The following PPP1R42 variants were observed in gnomAD, a reference collection of about 807,000 sequenced individuals.
PPP1R42 encodes the protein leucine rich repeat containing 67.
PPP1R42 carries 34 observed loss-of-function variants against 31.0 expected under a neutral mutation model. That is an observed-to-expected ratio of 1.10 (90% CI 0.83 to 1.46). The LOEUF (loss-of-function observed/expected upper bound fraction) is 1.46, where lower values mean the gene tolerates loss of function less well. Ranked by LOEUF, PPP1R42 falls within the 40% of genes most tolerant of loss-of-function variation. The probability of loss-of-function intolerance (pLI) is 0.00; values close to 1 mark genes in which losing one functional copy is unlikely to be tolerated. For missense variants in PPP1R42, 268 were observed against 303.0 expected (o/e 0.88, Z 0.86); for synonymous variants, 103 against 109.8 (o/e 0.94, Z 0.39).
intron 5 of PPP1R42, among the ~76,000 whole-genome samples, chr8:66,998,338 A>C (rs1423074915): frequency 1.3e-5 from 2 of 152,158 alleles, no homozygotes; most frequent in African/African-American, 2.4e-5. Flanking sequence ...AAAAAAATTC[A>C]TTTCTAGTTG....
chr8:67,016,689 C>T (rs2129537017), intron 2 of PPP1R42, among the ~76,000 whole-genome samples: 1 of 152,090 alleles, frequency 6.6e-6, no homozygotes, highest in East Asian at 1.9e-4. Context: ...ATAGGTTCTT[C>T]TTTTTTGAGA....
chr8:66,975,291 A>G (rs1433554265), intron 7 of PPP1R42, among the ~76,000 whole-genome samples: 1 of 152,132 alleles, frequency 6.6e-6, no homozygotes, highest in Non-Finnish European at 1.5e-5. Flanking sequence ...GTTATTGTAA[A>G]TGGGATTATT....
chr8:66,986,280 G>C, intron 6 of PPP1R42: 1 of 507,746 alleles, frequency 2.0e-6, no homozygotes, highest in Admixed American at 2.4e-5. Flanking sequence ...TTAAGGAAGA[G>C]TGGCTAATTG....
chr8:67,019,140 C>A (rs1816123502), intron 1 of PPP1R42, among the ~76,000 whole-genome samples: 1 of 148,422 alleles, frequency 6.7e-6, no homozygotes, highest in Admixed American at 6.8e-5. Flanking sequence ...CCGAGCCATG[C>A]ACTGCAATCT....
chr8:67,027,726 T>G (rs1237647545), intron 1 of PPP1R42, among the ~76,000 whole-genome samples: 1 of 152,242 alleles, frequency 6.6e-6, no homozygotes, highest in Non-Finnish European at 1.5e-5. Flanking sequence ...AAAAATAATG[T>G]CCGCACTTGT....
chr8:66,973,771 A>G (rs905460593), intron 7 of PPP1R42, among the ~76,000 whole-genome samples: 3 of 152,196 alleles, frequency 2.0e-5, no homozygotes, highest in African/African-American at 7.2e-5. Flanking sequence ...TGCTGGAAAT[A>G]GCACTCCACT....
chr8:66,995,563 A>G (rs1585658319), intron 5 of PPP1R42, among the ~76,000 whole-genome samples: 1 of 152,188 alleles, frequency 6.6e-6, no homozygotes, highest in Admixed American at 6.5e-5. Context: ...GGTGCCTGCT[A>G]TGTGCCAAGC....
At chr8:67,022,717 T>A (rs1816259988) in intron 1 of PPP1R42, among the ~76,000 whole-genome samples, 1 of 152,118 alleles carries the variant, frequency 6.6e-6, no homozygotes, top group Non-Finnish European at 1.5e-5. Flanking sequence ...ATATTCAATA[T>A]TTTTTTCCTT....
chr8:66,984,095 C>T lies in PPP1R42; in HGVS notation c.671-1915G>A, dbSNP rs1011622478. ...AGAATAAGTGAGAGGACAGAAGAGA[C>T]AAAGGCAAGAGGGGAGAGGCAAGGG... is the stretch of plus-strand genomic sequence containing the variant. On this transcript the variant is annotated intron_variant, in intron 6 of 7. Transcript: ENST00000685739. The T allele has an allele frequency of 4.5e-6, 7 of 1,550,844 alleles. No homozygotes were observed. In the African/African-American group the frequency reaches 8.2e-5, roughly 18 times the overall value.
intron 2 of PPP1R42, among the ~76,000 whole-genome samples, chr8:67,015,889 T>G (rs1816003195): frequency 6.6e-6 from 1 of 152,252 alleles, no homozygotes; most frequent in Non-Finnish European, 1.5e-5. Context: ...AGCTATGTGT[T>G]GGAAACTGTA....
At chr8:66,982,599 G>T (rs1395934037) in intron 6 of PPP1R42, among the ~76,000 whole-genome samples, 1 of 152,032 alleles carries the variant, frequency 6.6e-6, no homozygotes, top group Non-Finnish European at 1.5e-5. Flanking sequence ...TGGGACCACA[G>T]GTGTGCACCA....
At position 67,013,299 on chromosome 8, in the gene PPP1R42, A is replaced by AT. The variant is rs923670309; in HGVS notation, c.297-204dup. Among the ~76,000 whole-genome samples the AT allele has an allele frequency of 5.1e-4, 75 of 148,322 alleles. 1 individual carries two copies. The highest frequency in any genetic ancestry group is 3.5e-3 in the Middle Eastern group (1 of 282). On this transcript the variant is annotated intron_variant, in intron 3 of 7. Coordinates refer to ENST00000685739, the MANE Select transcript of PPP1R42 (RefSeq NM_001364910.1). ...TACACTTAATTTAGTCTAAAAGTAC[A>AT]TTTTTTTTTTGCTTTTTAAAAAAGT... is the stretch of plus-strand genomic sequence containing the variant.
intron 1 of PPP1R42, among the ~76,000 whole-genome samples, chr8:67,025,999 C>T (rs1202389257): frequency 1.5e-5 from 2 of 136,502 alleles, no homozygotes; most frequent in Admixed American, 7.9e-5. Context: ...AGTGAGACTC[C>T]GTCTCAAAAA....
At chr8:66,987,328 G>C (rs569457166) in intron 6 of PPP1R42, among the ~76,000 whole-genome samples, 1 of 120,732 alleles carries the variant, frequency 8.3e-6, no homozygotes, top group South Asian at 2.5e-4. Context: ...GTCTCACTTC[G>C]TCACCCAGGC....
chr8:66,980,413 T>A (rs1176519661), intron 7 of PPP1R42, among the ~76,000 whole-genome samples: 1 of 151,764 alleles, frequency 6.6e-6, no homozygotes, highest in Non-Finnish European at 1.5e-5. Context: ...ATTTTTTTTA[T>A]AGATGAGGTT....
chr8:67,014,581 A>C lies in PPP1R42; in HGVS notation c.141T>G (p.Ser47=), dbSNP rs1340092176. Residue 47 remains serine, a synonymous_variant, in exon 3 of 8, where the codon TCT becomes TCG. Coordinates refer to ENST00000685739, the MANE Select transcript of PPP1R42 (RefSeq NM_001364910.1). The stretch of plus-strand genomic sequence containing the variant: ...ATAAAACACTAAGATTTTTGCAAAG[A>C]GAGAGGTCTTCCTAAAAGGGAAACA... The part of the protein sequence containing the change: ...DKNIDAIEDL[S]LCKNLSVLYL... 6.5e-7 allele frequency: 1 copy of C among 1,528,364 alleles called. No homozygotes were observed. Among genetic ancestry groups the C allele is most frequent in the East Asian group, 2.3e-5 (1 of 43,012 alleles). 94.7% of individuals were successfully genotyped at this position (1,528,364 alleles called of 1,614,324 possible). A position where few individuals can be genotyped will look rare whatever the true frequency, so the allele number is the denominator to read the frequency against.
intron 1 of PPP1R42, among the ~76,000 whole-genome samples, chr8:67,020,173 G>GT (rs1411022099): frequency 6.6e-6 from 1 of 151,810 alleles, no homozygotes; most frequent in Non-Finnish European, 1.5e-5. Context: ...ATAATCCAGG[G>GT]TTTTTTGTTG....
chr8:67,025,529 C>A lies in PPP1R42; in HGVS notation c.-85+2962G>T, dbSNP rs116228826. On this transcript the variant is annotated intron_variant, in intron 1 of 7. Transcript: ENST00000685739. ...TTTTGTAGGGAAGGCAAAATCTTACCTCTTCCATCTTAGGGTTTTTTTTTT... is the reference window on the plus strand; with the variant it reads ...TTTTGTAGGGAAGGCAAAATCTTACATCTTCCATCTTAGGGTTTTTTTTTT... Among the ~76,000 whole-genome samples the A allele has an allele frequency of 6.5e-3, 982 of 150,704 alleles. 9 individuals are homozygous for A. The highest frequency in any genetic ancestry group is 0.023 in the African/African-American group (942 of 40,844).
intron 7 of PPP1R42, 84 bp downstream of exon 7, chr8:66,981,965 A>G: frequency 8.1e-7 from 1 of 1,237,892 alleles, no homozygotes; most frequent in Non-Finnish European, 1.0e-6. Context: ...AACAAAAACT[A>G]TTTTATTTGT....
Sources: gnomAD v4.1 joint callset for allele counts (sites outside exome capture counted in the v4.1 genomes callset) on GRCh38, gnomAD v4.1.1 for gene constraint, MANE v1.5 for transcripts, NCBI Gene and HGNC (gene_info 2026-07-23, HGNC 2026-07-21) for gene names.